LPP: variants seen among roughly 807,000 people sequenced by gnomAD.
LPP encodes the protein LIM domain containing preferred translocation partner in lipoma, also known as lipoma-preferred partner.
LPP carries 38 observed loss-of-function variants against 60.4 expected under a neutral mutation model. The ratio of observed to expected loss-of-function variants is 0.63; its 90% CI spans 0.49 to 0.83. The LOEUF is 0.83. Among genes scored for constraint, LPP ranks in the 40% least tolerant of loss-of-function variants. The pLI, the probability that LPP is intolerant of heterozygous loss-of-function variation, is 0.00. For synonymous variants in LPP, 328 were observed against 290.8 expected (o/e 1.13, Z -1.30); for missense variants, 902 against 783.6 (o/e 1.15, Z -1.80).
At chr3:188,662,632 A>G (rs375516538) in intron 7 of LPP, among the ~76,000 whole-genome samples, 1 of 152,224 alleles carries the variant, frequency 6.6e-6, no homozygotes, top group East Asian at 1.9e-4. Context: ...TTGAATACCC[A>G]AAGCTTAATT....
chr3:188,671,560 G>C (rs977829685), intron 7 of LPP, among the ~76,000 whole-genome samples: 2 of 152,124 alleles, frequency 1.3e-5, no homozygotes, highest in Non-Finnish European at 2.9e-5. Flanking sequence ...GATAAAAGGA[G>C]ACAAGCTTTC....
chr3:188,297,783 C>T (rs563595014), intron 2 of LPP, among the ~76,000 whole-genome samples: 1 of 152,284 alleles, frequency 6.6e-6, no homozygotes, highest in Non-Finnish European at 1.5e-5. Context: ...GGATATGTTT[C>T]TAGAGACTGA....
At chr3:188,249,389 C>A (rs1026841869) in intron 2 of LPP, among the ~76,000 whole-genome samples, 4 of 151,412 alleles carry the variant, frequency 2.6e-5, no homozygotes, top group African/African-American at 9.7e-5. Context: ...GTCAAGGCTG[C>A]CGTGAGCTGA....
chr3:188,613,971 A>G (rs1844380000), intron 7 of LPP, among the ~76,000 whole-genome samples: 1 of 151,210 alleles, frequency 6.6e-6, no homozygotes, highest in Non-Finnish European at 1.5e-5. Context: ...TCTGTCACCC[A>G]GGCTGGGGTG....
chr3:188,444,284 T>C (rs2149286546), intron 4 of LPP, among the ~76,000 whole-genome samples: 1 of 149,966 alleles, frequency 6.7e-6, no homozygotes, highest in South Asian at 2.1e-4. Flanking sequence ...TATCATTGCA[T>C]GTATATGTTA....
intron 9 of LPP, among the ~76,000 whole-genome samples, chr3:188,828,095 T>C (rs1362001022): frequency 1.3e-5 from 2 of 152,258 alleles, no homozygotes; most frequent in East Asian, 3.9e-4. Context: ...CCACTTTAGT[T>C]CTTGAGTGGT....
chr3:188,809,440 T>C (rs942904842), intron 9 of LPP, among the ~76,000 whole-genome samples: 2 of 152,164 alleles, frequency 1.3e-5, no homozygotes, highest in Non-Finnish European at 2.9e-5. Context: ...ATCAGTGTCA[T>C]TGAGCTTTTT....
chr3:188,247,295 C>G (rs542080998), intron 2 of LPP: 2 of 387,088 alleles, frequency 5.2e-6, no homozygotes, highest in East Asian at 1.6e-4. Context: ...ATTTTTAGAG[C>G]CTTCATCTGG....
chr3:188,495,193 A>AT (rs368499660), intron 5 of LPP, among the ~76,000 whole-genome samples: 2 of 135,908 alleles, frequency 1.5e-5, no homozygotes, highest in Non-Finnish European at 1.5e-5. Context: ...TAATATATAT[A>AT]TTTATAAATA....
intron 8 of LPP, among the ~76,000 whole-genome samples, chr3:188,742,313 C>T (rs1724733000): frequency 6.6e-6 from 1 of 151,938 alleles, no homozygotes; most frequent in East Asian, 1.9e-4. Flanking sequence ...TGAAATGAAA[C>T]CTTTTTTTTA....
At chr3:188,408,278 CGT>C (rs1784139015) in intron 4 of LPP, among the ~76,000 whole-genome samples, 2 of 152,010 alleles carry the variant, frequency 1.3e-5, no homozygotes, top group Admixed American at 1.3e-4. Flanking sequence ...TAGGCCTGAG[CGT>C]TATGGTGAGG....
chr3:188,158,968 T>C (rs747776361), intron 1 of LPP, among the ~76,000 whole-genome samples: 1 of 152,188 alleles, frequency 6.6e-6, no homozygotes, highest in Non-Finnish European at 1.5e-5. Flanking sequence ...AGCCCCTTTT[T>C]CTCTCTTAAG....
chr3:188,860,968 G>C (rs1027847056), intron 9 of LPP, among the ~76,000 whole-genome samples: 3 of 152,102 alleles, frequency 2.0e-5, no homozygotes, highest in African/African-American at 7.3e-5. Flanking sequence ...AGAATTAGGA[G>C]ACCTTTATTG....
chr3:188,796,629 A>G lies in LPP; in HGVS notation c.1410+36347A>G, dbSNP rs148313101. Among the ~76,000 whole-genome samples the G allele has an allele frequency of 6.3e-4, 96 of 152,286 alleles. 1 individual carries two copies. The East Asian group carries it at 0.018, about 28-fold the overall frequency. On this transcript the variant is annotated intron_variant, in intron 9 of 11. Transcript: ENST00000617246. ...AAAGTAAGATGAGCACGAAGAAACC[A>G]TGTTTAGTTAAGAACATGACCCGAA...
chr3:188,255,794 C>T (rs1485137479), intron 2 of LPP, among the ~76,000 whole-genome samples: 4 of 152,072 alleles, frequency 2.6e-5, no homozygotes, highest in Non-Finnish European at 5.9e-5. Context: ...AATATTTGGC[C>T]AAAACCTGCT....
intron 8 of LPP, among the ~76,000 whole-genome samples, chr3:188,713,633 A>G (rs1404286481): frequency 6.6e-6 from 1 of 152,146 alleles, no homozygotes; most frequent in Non-Finnish European, 1.5e-5. Context: ...AAAGAGAGAG[A>G]GGGATGATTG....
chr3:188,443,389 G>A (rs548711297), intron 4 of LPP, among the ~76,000 whole-genome samples: 6 of 152,328 alleles, frequency 3.9e-5, no homozygotes, highest in African/African-American at 9.6e-5. Context: ...CCTTCATCAC[G>A]TGAAGGCTCT....
chr3:188,165,837 A>G (rs1719766673), intron 1 of LPP, among the ~76,000 whole-genome samples: 1 of 152,196 alleles, frequency 6.6e-6, no homozygotes, highest in Admixed American at 6.5e-5. Context: ...TCAGCACCTA[A>G]GAAAATTACA....
intron 3 of LPP, among the ~76,000 whole-genome samples, chr3:188,357,900 T>A (rs1231242082): frequency 6.6e-6 from 1 of 152,232 alleles, no homozygotes; most frequent in Non-Finnish European, 1.5e-5. Flanking sequence ...GATCTTGAAT[T>A]CAGGGCCTTG....
Sources: gnomAD v4.1 joint callset for allele counts (sites outside exome capture counted in the v4.1 genomes callset) on GRCh38, gnomAD v4.1.1 for gene constraint, MANE v1.5 for transcripts, NCBI Gene and HGNC (gene_info 2026-07-23, HGNC 2026-07-21) for gene names.